The following PPFIA2 variants were observed in gnomAD, a reference collection of about 807,000 sequenced individuals.
PPFIA2 encodes PPFI scaffold protein A2, also known as liprin-alpha-2.
Under a neutral mutation model 175.5 loss-of-function variants are expected in PPFIA2, and 46 were observed. The ratio of observed to expected loss-of-function variants is 0.26; its 90% CI spans 0.21 to 0.34. The LOEUF is 0.34. PPFIA2 is among the 10% of genes least tolerant of loss of function. The pLI is 1.00. For synonymous variants in PPFIA2, 568 were observed against 511.4 expected (o/e 1.11, Z -1.49); for missense variants, 1,179 against 1,506.1 (o/e 0.78, Z 3.60).
intron 19 of PPFIA2, among the ~76,000 whole-genome samples, chr12:81,342,101 T>C (rs1236773371): frequency 6.6e-6 from 1 of 151,924 alleles, no homozygotes; most frequent in Non-Finnish European, 1.5e-5. Context: ...CAAAAGAAGA[T>C]GAGATGGGAG....
chr12:81,711,874 C>A, intron 3 of PPFIA2, among the ~76,000 whole-genome samples: 1 of 149,412 alleles, frequency 6.7e-6, no homozygotes, highest in Admixed American at 6.9e-5. Flanking sequence ...AGCTCCAAAG[C>A]AAACAAAGGA....
intron 7 of PPFIA2, among the ~76,000 whole-genome samples, chr12:81,421,485 G>A (rs1252731030): frequency 1.3e-5 from 2 of 151,734 alleles, no homozygotes; most frequent in African/African-American, 4.8e-5. Context: ...GTAACTACAA[G>A]ATATTTTATG....
chr12:81,659,161 T>C (rs1255157071), intron 4 of PPFIA2, among the ~76,000 whole-genome samples: 1 of 152,182 alleles, frequency 6.6e-6, no homozygotes, highest in South Asian at 2.1e-4. Context: ...GGATGATTTC[T>C]GCATTTCCAA....
Position 81,325,789 on chromosome 12 carries a change from C to T in PPFIA2, c.2630G>A (p.Arg877Lys), listed in dbSNP as rs760964134. ...TCCCCAAACCTACTTTTTCTTTAGTCTTCGATCCTTCTCAGCTTGAGTTCC... is the reference window on the plus strand; with the variant it reads ...TCCCCAAACCTACTTTTTCTTTAGTTTTCGATCCTTCTCAGCTTGAGTTCC... The part of the protein sequence containing the change: ...KLGTQAEKDR[R>K]LKKKHELLEE... Residue 877 changes from arginine (R) to lysine (K), a missense_variant, in exon 22 of 33, where the codon AGA becomes AAA. Arg to Lys is a conservative substitution (Grantham distance 26). This residue lies in a region of PPFIA2 where 44 missense variants were observed against 81.3 expected (regional missense o/e 0.54). Coordinates refer to ENST00000549396, the MANE Select transcript of PPFIA2 (RefSeq NM_003625.5). 3 of 1,611,888 alleles carry T rather than the reference C, an allele frequency of 1.9e-6. No homozygotes were observed. In the South Asian group the frequency reaches 3.3e-5, roughly 18 times the overall value.
chr12:81,576,748 C>T (rs188840845), intron 4 of PPFIA2, among the ~76,000 whole-genome samples: 2 of 151,716 alleles, frequency 1.3e-5, no homozygotes, highest in Non-Finnish European at 2.9e-5. Context: ...ATTTTGAAAA[C>T]TTTTAGATAA....
At chr12:81,622,639 T>C (rs921860763) in intron 4 of PPFIA2, among the ~76,000 whole-genome samples, 1 of 152,070 alleles carries the variant, frequency 6.6e-6, no homozygotes, top group Non-Finnish European at 1.5e-5. Context: ...GCTTTAAAAC[T>C]ACCAAAATCC....
At chr12:81,633,602 C>CT (rs2063647114) in intron 4 of PPFIA2, among the ~76,000 whole-genome samples, 1 of 151,714 alleles carries the variant, frequency 6.6e-6, no homozygotes, top group African/African-American at 2.4e-5. Context: ...TAAAGAGGAG[C>CT]TTGCCAGGCA....
intron 21 of PPFIA2, among the ~76,000 whole-genome samples, chr12:81,332,382 CAT>C (rs1186479504): frequency 6.6e-6 from 1 of 152,050 alleles, no homozygotes; most frequent in Admixed American, 6.6e-5. Flanking sequence ...TGCTGTTTAA[CAT>C]AGTTTCAATA....
intron 9 of PPFIA2, among the ~76,000 whole-genome samples, chr12:81,380,004 T>G (rs2037283879): frequency 6.6e-6 from 1 of 152,230 alleles, no homozygotes. Context: ...ATTTATTACC[T>G]GTACAATTTA....
intron 4 of PPFIA2, among the ~76,000 whole-genome samples, chr12:81,556,326 ACTT>A (rs771929939): frequency 1.3e-5 from 2 of 151,946 alleles, no homozygotes; most frequent in Non-Finnish European, 2.9e-5. Context: ...ATTGAATAAT[ACTT>A]CTTATCATGA....
At chr12:81,584,005 C>T (rs1201461756) in intron 4 of PPFIA2, among the ~76,000 whole-genome samples, 1 of 151,832 alleles carries the variant, frequency 6.6e-6, no homozygotes, top group Non-Finnish European at 1.5e-5. Context: ...TCTCAATTGA[C>T]ACATTTAGAA....
chr12:81,562,255 T>G (rs1403617833), intron 4 of PPFIA2, among the ~76,000 whole-genome samples: 3 of 152,190 alleles, frequency 2.0e-5, no homozygotes, highest in Non-Finnish European at 4.4e-5. Context: ...CTAAAAGTAG[T>G]AAGTTATAAG....
intron 4 of PPFIA2, among the ~76,000 whole-genome samples, chr12:81,557,381 G>C (rs573433872): frequency 6.6e-6 from 1 of 151,930 alleles, no homozygotes; most frequent in South Asian, 2.1e-4. Flanking sequence ...GTTTCTGATA[G>C]AGTAAAGACT....
intron 14 of PPFIA2, among the ~76,000 whole-genome samples, chr12:81,364,892 T>C (rs1419842495): frequency 6.6e-6 from 1 of 151,790 alleles, no homozygotes; most frequent in African/African-American, 2.4e-5. Flanking sequence ...GTAATTATGA[T>C]TGACTGAGAA....
At chr12:81,396,774 G>T (rs750981976) in intron 8 of PPFIA2, among the ~76,000 whole-genome samples, 2 of 152,024 alleles carry the variant, frequency 1.3e-5, no homozygotes, top group Non-Finnish European at 2.9e-5. Flanking sequence ...TGGCCCATGG[G>T]AGAAGCAGAG....
At chr12:81,539,286 C>T (rs1185307880) in intron 4 of PPFIA2, among the ~76,000 whole-genome samples, 1 of 151,732 alleles carries the variant, frequency 6.6e-6, no homozygotes, top group African/African-American at 2.4e-5. Context: ...GAAATCTGGG[C>T]AGGAAATATA....
intron 4 of PPFIA2, among the ~76,000 whole-genome samples, chr12:81,619,549 A>T (rs2153478682): frequency 6.6e-6 from 1 of 152,236 alleles, no homozygotes; most frequent in Non-Finnish European, 1.5e-5. Context: ...TAAATAAATA[A>T]TTTTTCTGGA....
At chr12:81,646,225 T>C (rs914103360) in intron 4 of PPFIA2, among the ~76,000 whole-genome samples, 1 of 152,118 alleles carries the variant, frequency 6.6e-6, no homozygotes, top group Admixed American at 6.5e-5. Flanking sequence ...TGATATAGTA[T>C]ATTGCTACAG....
chr12:81,418,380 C>T (rs2143503824), intron 7 of PPFIA2, among the ~76,000 whole-genome samples: 1 of 152,032 alleles, frequency 6.6e-6, no homozygotes, highest in South Asian at 2.1e-4. Flanking sequence ...TAAAATATTT[C>T]ATACTTTTAT....
Sources: gnomAD v4.1 joint callset for allele counts (sites outside exome capture counted in the v4.1 genomes callset) on GRCh38, gnomAD v4.1.1 for gene constraint, gnomAD v4.1.1 regional missense constraint, MANE v1.5 for transcripts, NCBI Gene and HGNC (gene_info 2026-07-23, HGNC 2026-07-21) for gene names.